The following CDKL5 variants were observed in gnomAD, a reference collection of about 807,000 sequenced individuals.
CDKL5 encodes the protein cyclin dependent kinase like 5.
Under a neutral mutation model 61.7 loss-of-function variants are expected in CDKL5, and 8 were observed. That is an observed-to-expected ratio of 0.13 (90% confidence interval 0.08 to 0.23). CDKL5 has a LOEUF of 0.23. CDKL5 is among the 10% of genes least tolerant of loss of function. The pLI is 1.00. For missense variants in CDKL5, 440 were observed against 734.5 expected (o/e 0.60, Z 4.63); for synonymous variants, 275 against 272.3 (o/e 1.01, Z -0.10).
intron 3 of CDKL5, among the ~76,000 whole-genome samples, chrX:18,538,886 A>T (rs187551375): frequency 1.6e-4 from 18 of 112,616 alleles, no homozygotes; most frequent in Non-Finnish European, 3.4e-4. Flanking sequence ...CTTGATAATT[A>T]TAATTACATA....
At position 18,639,384 on chromosome X, in the gene CDKL5, A is replaced by G. The variant is rs776001257; in HGVS notation, c.*10627A>G. Among the ~76,000 whole-genome samples the G allele has an allele frequency of 2.9e-4, 33 of 112,669 alleles. No individual in the cohort carries two copies. The highest frequency in any genetic ancestry group is 7.5e-5 in the Non-Finnish European group (4 of 53,340). ...GAAAAACCTTTATCCAAAGATGTAC[A>G]AATGGCCAGTAAACACATGAAAAGA... On this transcript the variant is annotated 3_prime_UTR_variant, in exon 18 of 18. Transcript: ENST00000623535.
chrX:18,510,912 A>G, intron 3 of CDKL5, 58 bp downstream of exon 3: 1 of 862,634 alleles, frequency 1.2e-6, no homozygotes, highest in South Asian at 2.0e-5. Context: ...TTTGAAACTA[A>G]TGTAGTGGTC....
At chrX:18,534,529 T>C (rs191925262) in intron 3 of CDKL5, among the ~76,000 whole-genome samples, 20 of 111,907 alleles carry the variant, frequency 1.8e-4, no homozygotes, top group African/African-American at 6.5e-4. Context: ...TCCACACGTA[T>C]AGGAATTTCA....
intron 20 of CDKL5, chrX:18,646,152 C>CTT (rs971139221): frequency 9.6e-6 from 11 of 1,146,596 alleles, no homozygotes; most frequent in Non-Finnish European, 1.2e-5. Flanking sequence ...CTGAATGAAA[C>CTT]TTTTTTTTTT....
intron 2 of CDKL5, among the ~76,000 whole-genome samples, chrX:18,509,129 G>C (rs1377447825): frequency 2.0e-5 from 1 of 48,793 alleles, no homozygotes; most frequent in Admixed American, 2.5e-4. Context: ...CACACACACA[G>C]GTTGCAGTGA....
At chrX:18,467,869 C>CT (rs1426492190) in intron 1 of CDKL5, among the ~76,000 whole-genome samples, 289 of 109,861 alleles carry the variant, frequency 2.6e-3, no homozygotes, top group Non-Finnish European at 4.3e-3. Flanking sequence ...TATCCCCCAC[C>CT]TTTTTTTTTG....
intron 11 of CDKL5, among the ~76,000 whole-genome samples, chrX:18,601,487 C>T (rs886952512): frequency 5.2e-4 from 59 of 112,447 alleles, no homozygotes; most frequent in East Asian, 5.6e-4. Flanking sequence ...AGTTGTGTGT[C>T]GAAGAGATCT....
At chrX:18,511,011 T>G (rs1453799460) in intron 3 of CDKL5, among the ~76,000 whole-genome samples, 157 bp downstream of exon 3, 1 of 111,957 alleles carries the variant, frequency 8.9e-6, no homozygotes, top group Non-Finnish European at 1.9e-5. Flanking sequence ...TTTTGGAATA[T>G]TTCCATATAT....
intron 3 of CDKL5, among the ~76,000 whole-genome samples, chrX:18,533,260 C>A (rs1407646230): frequency 9.0e-6 from 1 of 111,194 alleles, no homozygotes; most frequent in Non-Finnish European, 1.9e-5. Context: ...GAGACAGAAA[C>A]CTTTTACTAT....
At chrX:18,588,924 AC>A (rs1395943860) in intron 9 of CDKL5, 3 of 108,631 alleles carry the variant, frequency 2.8e-5, no homozygotes, top group African/African-American at 1.0e-4. Context: ...AAAAAAAAAA[AC>A]AAAAACAAAA....
At chrX:18,526,424 C>G (rs922676461) in intron 3 of CDKL5, among the ~76,000 whole-genome samples, 12 of 111,220 alleles carry the variant, frequency 1.1e-4, no homozygotes, top group Non-Finnish European at 2.3e-4. Flanking sequence ...TTCTTTCTTC[C>G]CAATTTGTAT....
rs779361711 is a variant in CDKL5 at position 18,518,388 on chromosome X, A to ATT, written c.99+7568_99+7569dup. 6.0e-3 allele frequency among the ~76,000 whole-genome samples: 128 copies of ATT among 21,158 alleles called. 27 individuals carry two copies. The highest frequency in any genetic ancestry group is 7.8e-3 in the Non-Finnish European group (91 of 11,597). 18.4% of individuals were successfully genotyped at this position (21,158 alleles called of 115,157 possible). A position where few individuals can be genotyped will look rare whatever the true frequency, so the allele number is the denominator to read the frequency against. The stretch of plus-strand genomic sequence containing the variant: ...AAGTCATGTTTTCTTTTCTTTTCTT[A>ATT]TTTTTTTTTTTTTTTTTTTTTTTTT... On this transcript the variant is annotated intron_variant, in intron 3 of 17. Coordinates refer to ENST00000623535, the MANE Select transcript of CDKL5 (RefSeq NM_001323289.2).
chrX:18,573,122 A>G (rs1055210383), intron 4 of CDKL5, among the ~76,000 whole-genome samples: 3 of 110,943 alleles, frequency 2.7e-5, no homozygotes, highest in Admixed American at 1.9e-4. Flanking sequence ...AGGTGGAAAA[A>G]TGAAGTTTGG....
rs779556449 is a variant in CDKL5, at chrX:18,632,515, T to C, written c.*3758T>C. 4.0e-6 allele frequency: 3 copies of C among 753,240 alleles called. No homozygotes were observed. The Admixed American group carries it at 2.6e-4, about 66-fold the overall frequency. The allele number at this position is 753,240 out of a possible 1,213,427, so 62.1% of individuals were successfully genotyped here. On this transcript the variant is annotated 3_prime_UTR_variant, in exon 18 of 18. Coordinates refer to ENST00000623535, the MANE Select transcript of CDKL5 (RefSeq NM_001323289.2). ...TTTATTCAAGTCATTTAATAGCTCT[T>C]TACAAATATTAGCATATGGCAGACC...
chrX:18,515,168 C>T (rs754279113), intron 3 of CDKL5, among the ~76,000 whole-genome samples: 1 of 111,977 alleles, frequency 8.9e-6, no homozygotes, highest in Non-Finnish European at 1.9e-5. Flanking sequence ...AGCAAAAACA[C>T]GAAAAGGTCA....
chrX:18,568,833 T>A (rs1925051350), intron 4 of CDKL5, among the ~76,000 whole-genome samples: 1 of 109,977 alleles, frequency 9.1e-6, no homozygotes, highest in South Asian at 3.9e-4. Context: ...TAGCTGGGAC[T>A]ACAGGTGCGC....
chrX:18,645,900 ACT>A, intron 19 of CDKL5: 2 of 1,171,010 alleles, frequency 1.7e-6, no homozygotes, highest in Non-Finnish European at 2.3e-6. Flanking sequence ...CCCTAACCAA[ACT>A]CTGGTCAATG....
At chrX:18,652,687 G>C (rs1387353803) in intron 21 of CDKL5, among the ~76,000 whole-genome samples, 1 of 111,560 alleles carries the variant, frequency 9.0e-6, no homozygotes. Flanking sequence ...AAACTAAGGG[G>C]ATCCTTATCA....
rs568218116 is a variant in CDKL5, at chrX:18,607,957, T to C, written c.1945-854T>C. On this transcript the variant is annotated intron_variant, in intron 12 of 17. Coordinates refer to ENST00000623535, the MANE Select transcript of CDKL5 (RefSeq NM_001323289.2). ...CATATTTTAAATCTTAAATAAAATG[T>C]TTTTGATATGTCACATAGGCTTAAG... Among the ~76,000 whole-genome samples, 12 of 112,044 alleles carry C rather than the reference T, an allele frequency of 1.1e-4. No homozygotes were observed. The South Asian group carries it at 4.5e-3, about 42-fold the overall frequency.
Sources: gnomAD v4.1 joint callset for allele counts (sites outside exome capture counted in the v4.1 genomes callset) on GRCh38, gnomAD v4.1.1 for gene constraint, MANE v1.5 for transcripts, NCBI Gene and HGNC (gene_info 2026-07-23, HGNC 2026-07-21) for gene names.